MEI4: variants seen among roughly 807,000 people sequenced by gnomAD.
MEI4 encodes meiosis-specific protein MEI4.
MEI4 carries 27 observed loss-of-function variants against 31.4 expected under a neutral mutation model. The ratio of observed to expected loss-of-function variants is 0.86; its 90% confidence interval spans 0.63 to 1.19. The LOEUF is 1.19. Among genes scored for constraint, MEI4 ranks in the 50% most tolerant of loss-of-function variants. MEI4 has a pLI of 0.00. For synonymous variants in MEI4, 122 were observed against 145.4 expected (o/e 0.84, Z 1.16); for missense variants, 329 against 398.9 (o/e 0.82, Z 1.49).
intron 3 of MEI4, among the ~76,000 whole-genome samples, chr6:77,773,551 TA>T (rs1283099633): frequency 6.6e-6 from 1 of 151,974 alleles, no homozygotes; most frequent in Admixed American, 6.6e-5. Context: ...GATTAAAAAT[TA>T]AAATCTCAAA....
At chr6:77,922,702 G>A (rs1330059190) in intron 4 of MEI4, among the ~76,000 whole-genome samples, 1 of 151,622 alleles carries the variant, frequency 6.6e-6, no homozygotes, top group African/African-American at 2.4e-5. Context: ...ACTACTCTGG[G>A]ATTGTTTTAT....
At chr6:77,821,459 A>G (rs1033862817) in intron 3 of MEI4, among the ~76,000 whole-genome samples, 6 of 152,104 alleles carry the variant, frequency 3.9e-5, no homozygotes, top group African/African-American at 1.4e-4. Flanking sequence ...GGCAGACCCA[A>G]TGTAGATATG....
Position 77,761,449 on chromosome 6 carries a change from T to A in MEI4, c.552T>A (p.Ser184=). 1 of 1,232,164 alleles carries A rather than the reference T, an allele frequency of 8.1e-7. No individual in the cohort carries two copies. Among genetic ancestry groups the A allele is most frequent in the Non-Finnish European group, 1.0e-6 (1 of 987,932 alleles). 76.3% of individuals were successfully genotyped at this position (1,232,164 alleles called of 1,614,324 possible). Reference sequence around the variant, plus strand: ...TTGAAAAAGACTCTTCCACAGTCTCTGATTCTGTTTTTCAATTGCTGGATG... The same window carrying A: ...TTGAAAAAGACTCTTCCACAGTCTCAGATTCTGTTTTTCAATTGCTGGATG... ...THFEKDSSTV[S]DSVFQLLDGL... Residue 184 remains serine, a synonymous_variant, in exon 3 of 5, where the codon TCT becomes TCA. Coordinates refer to ENST00000684080, the MANE Select transcript of MEI4 (RefSeq NM_001322247.2).
chr6:77,699,387 T>A (rs1582036648), intron 2 of MEI4, among the ~76,000 whole-genome samples: 1 of 151,256 alleles, frequency 6.6e-6, no homozygotes, highest in Admixed American at 6.6e-5. Context: ...AGAGATGGGG[T>A]TTCACCGTTT....
chr6:77,897,524 A>C (rs9343688), intron 4 of MEI4, among the ~76,000 whole-genome samples: 2,881 of 152,002 alleles, frequency 0.019, 65 homozygotes, highest in East Asian at 0.088. Flanking sequence ...TGTTATATAT[A>C]TATATCTTTC....
At chr6:77,671,472 T>C (rs1472418317) in intron 1 of MEI4, among the ~76,000 whole-genome samples, 2 of 152,192 alleles carry the variant, frequency 1.3e-5, no homozygotes, top group African/African-American at 4.8e-5. Flanking sequence ...GCGTGAAATA[T>C]GATTATAAAA....
At chr6:77,751,515 G>C (rs950340806) in intron 2 of MEI4, among the ~76,000 whole-genome samples, 2 of 152,054 alleles carry the variant, frequency 1.3e-5, no homozygotes, top group Admixed American at 6.6e-5. Flanking sequence ...AGAAAATCTA[G>C]AAGAATTGGG....
rs893196747 is a variant in MEI4 at position 77,733,676 on chromosome 6, A to T, written c.233-27454A>T. On this transcript the variant is annotated intron_variant, in intron 2 of 4. Transcript: ENST00000684080. The stretch of plus-strand genomic sequence containing the variant: ...ATTTCTTGCCTTCTGCTAGCTTTTG[A>T]ATACGTTTGCTCTTGCTTTTCTAGT... 2.2e-4 allele frequency among the ~76,000 whole-genome samples: 33 copies of T among 151,798 alleles called. 1 individual carries two copies. Among genetic ancestry groups the T allele is most frequent in the African/African-American group, 8.0e-4 (33 of 41,176 alleles).
At chr6:77,836,064 G>C (rs971639912) in intron 4 of MEI4, among the ~76,000 whole-genome samples, 5 of 152,058 alleles carry the variant, frequency 3.3e-5, no homozygotes, top group African/African-American at 1.2e-4. Context: ...TACAGAATCT[G>C]TAATGTTTTT....
At chr6:77,742,860 C>T (rs1014602034) in intron 2 of MEI4, among the ~76,000 whole-genome samples, 6 of 152,126 alleles carry the variant, frequency 3.9e-5, no homozygotes, top group Admixed American at 6.5e-5. Context: ...TTTCCCAGCA[C>T]CATTTATTAA....
chr6:77,878,794 A>G (rs1329401611), intron 4 of MEI4, among the ~76,000 whole-genome samples: 1 of 152,206 alleles, frequency 6.6e-6, no homozygotes, highest in Non-Finnish European at 1.5e-5. Context: ...GTCAAGTCAA[A>G]AAATCTCATG....
At chr6:77,658,530 G>T (rs952178760) in intron 1 of MEI4, among the ~76,000 whole-genome samples, 1 of 151,996 alleles carries the variant, frequency 6.6e-6, no homozygotes, top group African/African-American at 2.4e-5. Flanking sequence ...AAAATTTTTT[G>T]GGGGGTGGTA....
chr6:77,873,759 T>A (rs1458086326), intron 4 of MEI4, among the ~76,000 whole-genome samples: 1 of 152,204 alleles, frequency 6.6e-6, no homozygotes, highest in East Asian at 1.9e-4. Context: ...AAGTCTTTAA[T>A]CCATCTTGAA....
At position 77,694,465 on chromosome 6, in the gene MEI4, A is replaced by C. The variant is rs189193728; in HGVS notation, c.232+3562A>C. Among the ~76,000 whole-genome samples the C allele has an allele frequency of 9.2e-3, 1,159 of 126,132 alleles. 15 individuals carry two copies. The highest frequency in any genetic ancestry group is 0.034 in the African/African-American group (1,105 of 32,536). The allele number at this position is 126,132 out of a possible 152,430, so 82.7% of individuals were successfully genotyped here. A position where few individuals can be genotyped will look rare whatever the true frequency, so the allele number is the denominator to read the frequency against. ...GTGTGATGTTCCCCTTCCTGTGTCCATGTGTTCTCATTGTTCAATTCCCAC... is the reference window on the plus strand; with the variant it reads ...GTGTGATGTTCCCCTTCCTGTGTCCCTGTGTTCTCATTGTTCAATTCCCAC... On this transcript the variant is annotated intron_variant, in intron 2 of 4. Transcript: ENST00000684080.
intron 4 of MEI4, among the ~76,000 whole-genome samples, chr6:77,862,064 T>TA (rs11317423): frequency 7.7e-4 from 111 of 144,148 alleles, no homozygotes; most frequent in East Asian, 1.6e-3. Flanking sequence ...AGCAAAGAAT[T>TA]AAAAAAAAAA....
At chr6:77,817,513 A>G (rs1769716837) in intron 3 of MEI4, among the ~76,000 whole-genome samples, 2 of 152,258 alleles carry the variant, frequency 1.3e-5, no homozygotes, top group Middle Eastern at 3.4e-3. Context: ...TTCATTCCCC[A>G]TAAATCTGTG....
At chr6:77,727,832 C>T (rs112558882) in intron 2 of MEI4, among the ~76,000 whole-genome samples, 124 of 152,304 alleles carry the variant, frequency 8.1e-4, no homozygotes, top group African/African-American at 2.9e-3. Flanking sequence ...ACAGTAAGGC[C>T]TTACCCCTGG....
chr6:77,737,045 C>A (rs182961691), intron 2 of MEI4, among the ~76,000 whole-genome samples: 2 of 152,070 alleles, frequency 1.3e-5, no homozygotes, highest in East Asian at 1.9e-4. Flanking sequence ...AATAAGATGA[C>A]AAACTAGGTT....
At chr6:77,859,300 C>T (rs1277489188) in intron 4 of MEI4, among the ~76,000 whole-genome samples, 1 of 152,084 alleles carries the variant, frequency 6.6e-6, no homozygotes, top group Non-Finnish European at 1.5e-5. Flanking sequence ...TATATCTTTG[C>T]TATTGTAAAT....
Sources: allele counts gnomAD v4.1 joint callset (sites outside exome capture counted in the v4.1 genomes callset), GRCh38; gene constraint gnomAD v4.1.1; transcripts MANE v1.5; gene names NCBI Gene and HGNC (gene_info 2026-07-23, HGNC 2026-07-21).